NTM: variants seen among roughly 807,000 people sequenced by gnomAD.
The protein encoded by NTM is IgLON family member 2.
NTM carries 13 observed loss-of-function variants against 42.1 expected under a neutral mutation model. The observed-to-expected ratio is 0.31, with a 90% CI of 0.20 to 0.49. The LOEUF (loss-of-function observed/expected upper bound fraction) is 0.49, where lower values mean the gene tolerates loss of function less well. Among genes scored for constraint, NTM ranks in the 20% least tolerant of loss-of-function variants. NTM has a pLI of 0.99. For missense variants in NTM, 373 were observed against 452.8 expected, an observed-to-expected ratio of 0.82 and a Z score of 1.60; for synonymous variants, 187 against 179.2, an observed-to-expected ratio of 1.04 and a Z score of -0.35.
chr11:132,128,564 TGGGTGTAGGA>T (rs1591692635), intron 2 of NTM, among the ~76,000 whole-genome samples: 1 of 151,932 alleles, frequency 6.6e-6, no homozygotes, highest in East Asian at 1.9e-4. Context: ...GTTATAGTTG[TGGGTGTAGGA>T]GTTCACCCAA....
rs148027563 is a variant in NTM, at chr11:132,133,797, GCTTA to G, written c.168-12481_168-12478del. Among the ~76,000 whole-genome samples the G allele has an allele frequency of 7.0e-3, 1,061 of 152,204 alleles. 10 individuals are homozygous for G. The highest frequency in any genetic ancestry group is 0.021 in the African/African-American group (863 of 41,532). On this transcript the variant is annotated intron_variant, in intron 2 of 8. Coordinates refer to ENST00000683400, the MANE Select transcript of NTM (RefSeq NM_001352005.2). ...CTGCCCCCATTATCTCTTCACCCTGGCTTACTTCTTTATTGCTTCCAAATATGAT... is the reference window on the plus strand; with the variant it reads ...CTGCCCCCATTATCTCTTCACCCTGGCTTCTTTATTGCTTCCAAATATGAT...
intron 1 of NTM, among the ~76,000 whole-genome samples, chr11:131,421,922 T>C (rs537471498): frequency 6.6e-6 from 1 of 152,302 alleles, no homozygotes; most frequent in African/African-American, 2.4e-5. Flanking sequence ...TCCATAATTA[T>C]TGGGGGATTT....
At chr11:131,598,850 TTCCTTCCTTCCTTCCTTCC>T (rs2060169418) in intron 1 of NTM, among the ~76,000 whole-genome samples, 1 of 49,230 alleles carries the variant, frequency 2.0e-5, no homozygotes, top group African/African-American at 6.0e-5. Flanking sequence ...TCTTTCTTTC[TTCCTTCCTTCCTTCCTTCC>T]TTCCTTCTTC....
chr11:131,829,140 A>G (rs1157909152), intron 1 of NTM, among the ~76,000 whole-genome samples: 1 of 149,576 alleles, frequency 6.7e-6, no homozygotes, highest in East Asian at 1.9e-4. Context: ...TCTCCCTATC[A>G]TTTCAGAGAA....
intron 1 of NTM, among the ~76,000 whole-genome samples, chr11:131,482,112 T>A (rs1042381145): frequency 6.6e-6 from 1 of 152,248 alleles, no homozygotes. Flanking sequence ...GCCCTGGGAA[T>A]GGGAGCATTA....
chr11:132,015,676 C>T (rs2073277755), intron 2 of NTM, among the ~76,000 whole-genome samples: 2 of 88,064 alleles, frequency 2.3e-5, no homozygotes. Flanking sequence ...TTTTATGCAG[C>T]TAATGTAAGT....
chr11:131,441,391 A>C (rs759038092), intron 1 of NTM, among the ~76,000 whole-genome samples: 1 of 152,222 alleles, frequency 6.6e-6, no homozygotes, highest in Non-Finnish European at 1.5e-5. Context: ...TTTTTCTAGC[A>C]CAACAAGCTG....
intron 2 of NTM, among the ~76,000 whole-genome samples, chr11:131,935,371 C>T (rs941169220): frequency 2.6e-5 from 4 of 152,156 alleles, no homozygotes; most frequent in Non-Finnish European, 5.9e-5. Flanking sequence ...TTCAGAATGT[C>T]GGGCTTTTTG....
At position 131,591,828 on chromosome 11, in the gene NTM, C is replaced by T. The variant is rs78521047; in HGVS notation, c.82+220940C>T. 8.0e-3 allele frequency among the ~76,000 whole-genome samples: 1,215 copies of T among 152,322 alleles called. 29 individuals are homozygous for T. Among genetic ancestry groups the T allele is most frequent in the South Asian group, 0.077 (371 of 4,828 alleles). On this transcript the variant is annotated intron_variant, in intron 1 of 8. Transcript: ENST00000683400. ...GGGCAGTTCATTCACAGCTGAAATG[C>T]ACTTCCCTGTGTCTAACCTGAATTC...
At chr11:132,108,234 C>T (rs1251328623) in intron 2 of NTM, among the ~76,000 whole-genome samples, 1 of 152,194 alleles carries the variant, frequency 6.6e-6, no homozygotes, top group Non-Finnish European at 1.5e-5. Flanking sequence ...TTTCAACAGG[C>T]TTTAGTTTAA....
intron 1 of NTM, among the ~76,000 whole-genome samples, chr11:131,763,216 T>G (rs948858399): frequency 6.6e-6 from 1 of 152,218 alleles, no homozygotes; most frequent in Non-Finnish European, 1.5e-5. Flanking sequence ...AGTCAGTCAG[T>G]CAACTGGATA....
chr11:131,627,006 A>G (rs1592274917), intron 1 of NTM, among the ~76,000 whole-genome samples: 1 of 152,310 alleles, frequency 6.6e-6, no homozygotes, highest in East Asian at 1.9e-4. Context: ...ATGAGATGCG[A>G]GGATCTGGCG....
intron 1 of NTM, among the ~76,000 whole-genome samples, chr11:131,452,677 G>A (rs181443760): frequency 6.8e-4 from 103 of 152,260 alleles, no homozygotes; most frequent in African/African-American, 2.4e-3. Flanking sequence ...AGGGCTTCTT[G>A]GCTTTCCCAA....
At chr11:131,547,430 G>C (rs1278133979) in intron 1 of NTM, among the ~76,000 whole-genome samples, 3 of 152,208 alleles carry the variant, frequency 2.0e-5, no homozygotes, top group Non-Finnish European at 4.4e-5. Context: ...CGTCTTGCAC[G>C]GGAAGAGACT....
At chr11:131,757,294 G>A (rs1038745260) in intron 1 of NTM, among the ~76,000 whole-genome samples, 1 of 152,142 alleles carries the variant, frequency 6.6e-6, no homozygotes, top group African/African-American at 2.4e-5. Flanking sequence ...TAATCTCTGT[G>A]TAGTCTCATC....
intron 2 of NTM, among the ~76,000 whole-genome samples, chr11:132,030,933 G>A (rs897844370): frequency 2.0e-5 from 3 of 152,094 alleles, no homozygotes; most frequent in African/African-American, 7.2e-5. Context: ...ACTGAAAATT[G>A]GGCTCAGGCT....
At chr11:132,194,443 A>AT (rs1376449973) in intron 3 of NTM, among the ~76,000 whole-genome samples, 2 of 152,158 alleles carry the variant, frequency 1.3e-5, no homozygotes, top group Non-Finnish European at 2.9e-5. Context: ...CCCTCAACAA[A>AT]TTAGGCATCA....
rs1055107719 is a variant in NTM at position 132,171,256 on chromosome 11, G to A, written c.400+24742G>A. ...TTCAGTCACCTCTGCACGTCCTGCC[G>A]CTGATCCTTTATCTCCTGTCTTAAT... On this transcript the variant is annotated intron_variant, in intron 3 of 8. Coordinates refer to ENST00000683400, the MANE Select transcript of NTM (RefSeq NM_001352005.2). 7.9e-5 allele frequency among the ~76,000 whole-genome samples: 12 copies of A among 152,294 alleles called. No homozygotes were observed. In the East Asian group the frequency reaches 9.7e-4, roughly 12 times the overall value.
At chr11:131,471,210 C>T (rs1024661366) in intron 1 of NTM, among the ~76,000 whole-genome samples, 4 of 152,214 alleles carry the variant, frequency 2.6e-5, no homozygotes, top group Non-Finnish European at 5.9e-5. Flanking sequence ...AATGTCTAAT[C>T]CCCAAGATAA....
Sources: gnomAD v4.1 joint callset for allele counts (sites outside exome capture counted in the v4.1 genomes callset) on GRCh38, gnomAD v4.1.1 for gene constraint, MANE v1.5 for transcripts, NCBI Gene and HGNC (gene_info 2026-07-23, HGNC 2026-07-21) for gene names.